Variants in LRRC4C observed in about 807,000 individuals in gnomAD.
LRRC4C encodes the protein leucine rich repeat containing 4C, also known as leucine-rich repeat-containing protein 4C.
In LRRC4C, 5 loss-of-function variants were observed where a neutral mutation model predicts 33.6. That is an observed-to-expected ratio of 0.15 (90% CI 0.08 to 0.31). The LOEUF is 0.31. LRRC4C is among the 10% of genes least tolerant of loss of function. The probability of loss-of-function intolerance (pLI) is 1.00; values close to 1 mark genes in which losing one functional copy is unlikely to be tolerated. For synonymous variants in LRRC4C, 329 were observed against 302.0 expected, an observed-to-expected ratio of 1.09 and a Z score of -0.93; for missense variants, 560 against 796.7, an observed-to-expected ratio of 0.70 and a Z score of 3.58.
intron 2 of LRRC4C, among the ~76,000 whole-genome samples, chr11:40,682,669 G>A (rs937216771): frequency 6.6e-6 from 1 of 151,798 alleles, no homozygotes; most frequent in Non-Finnish European, 1.5e-5. Flanking sequence ...CAGCTACTTG[G>A]GAGAGGCATG....
At chr11:40,386,641 C>A (rs1488805272) in intron 3 of LRRC4C, among the ~76,000 whole-genome samples, 1 of 152,100 alleles carries the variant, frequency 6.6e-6, no homozygotes, top group African/African-American at 2.4e-5. Context: ...CTGCCTCTAT[C>A]CCTCTTTGTT....
intron 1 of LRRC4C, among the ~76,000 whole-genome samples, chr11:41,436,497 T>C (rs1955433711): frequency 6.6e-6 from 1 of 152,206 alleles, no homozygotes; most frequent in South Asian, 2.1e-4. Context: ...TCAAAGAGGC[T>C]ACACAAATTC....
At chr11:40,552,294 T>C (rs1957154982) in intron 3 of LRRC4C, among the ~76,000 whole-genome samples, 2 of 152,136 alleles carry the variant, frequency 1.3e-5, no homozygotes, top group Admixed American at 1.3e-4. Flanking sequence ...GGAGATGAAA[T>C]AGAGAGGTTA....
chr11:41,175,747 C>T (rs1945169908), intron 1 of LRRC4C, among the ~76,000 whole-genome samples: 1 of 152,130 alleles, frequency 6.6e-6, no homozygotes, highest in South Asian at 2.1e-4. Flanking sequence ...CAACACAATT[C>T]TAAGGTCCCA....
At chr11:40,995,958 T>C (rs1460415946) in intron 1 of LRRC4C, among the ~76,000 whole-genome samples, 2 of 151,986 alleles carry the variant, frequency 1.3e-5, no homozygotes, top group African/African-American at 4.8e-5. Flanking sequence ...TACTCTAATA[T>C]GAGTATTAGA....
chr11:40,928,543 T>G (rs1317922390), intron 2 of LRRC4C, among the ~76,000 whole-genome samples: 1 of 152,122 alleles, frequency 6.6e-6, no homozygotes, highest in African/African-American at 2.4e-5. Flanking sequence ...TAAGTAATAA[T>G]AGCTAACATT....
chr11:40,275,132 A>G (rs1943006351), intron 4 of LRRC4C, among the ~76,000 whole-genome samples: 2 of 152,156 alleles, frequency 1.3e-5, no homozygotes, highest in South Asian at 2.1e-4. Flanking sequence ...TTTGATCCCA[A>G]TGAAATAACA....
chr11:41,455,251 A>G (rs1004221957), intron 1 of LRRC4C, among the ~76,000 whole-genome samples: 3 of 152,090 alleles, frequency 2.0e-5, no homozygotes, highest in African/African-American at 4.8e-5. Flanking sequence ...CAACAGCCTC[A>G]TTGTGGACTG....
intron 3 of LRRC4C, among the ~76,000 whole-genome samples, chr11:40,482,568 C>A (rs1953635897): frequency 6.6e-6 from 1 of 151,952 alleles, no homozygotes; most frequent in South Asian, 2.1e-4. Context: ...TCCCGGGGCT[C>A]AAGTGATTCT....
rs941168944 is a variant in LRRC4C, at chr11:40,236,058, G to A, written c.-96+5461C>T. On this transcript the variant is annotated intron_variant, in intron 5 of 6. Coordinates refer to ENST00000528697, the MANE Select transcript of LRRC4C (RefSeq NM_001258419.2). The stretch of plus-strand genomic sequence containing the variant: ...TGCGCAGCTTCATTCTGCCAGTCAC[G>A]GCTCACAGTGGGCATGGAAAATCCT... Among the ~76,000 whole-genome samples, 6 of 151,838 alleles carry A rather than the reference G, an allele frequency of 4.0e-5. No homozygotes were observed. The South Asian group carries it at 1.3e-3, about 32-fold the overall frequency.
chr11:40,345,622 T>G (rs545976152), intron 3 of LRRC4C, among the ~76,000 whole-genome samples: 2 of 152,292 alleles, frequency 1.3e-5, no homozygotes, highest in East Asian at 3.9e-4. Context: ...GAATTACCAT[T>G]CTGGATGTAG....
At chr11:40,635,934 C>T (rs111659842) in intron 3 of LRRC4C, among the ~76,000 whole-genome samples, 5,877 of 151,888 alleles carry the variant, frequency 0.039, 380 homozygotes, top group African/African-American at 0.13. Context: ...GCACTGCGCC[C>T]GGCCAGAAGA....
intron 6 of LRRC4C, among the ~76,000 whole-genome samples, chr11:40,127,598 G>T (rs11035702): frequency 2.0e-5 from 3 of 152,122 alleles, no homozygotes; most frequent in African/African-American, 7.2e-5. Context: ...GAAAGTTTCT[G>T]CTCTTGTCCC....
intron 1 of LRRC4C, among the ~76,000 whole-genome samples, chr11:41,017,096 C>G (rs539231848): frequency 6.6e-6 from 1 of 152,260 alleles, no homozygotes; most frequent in East Asian, 1.9e-4. Flanking sequence ...CTGTCCGATA[C>G]TAAGGACTTG....
At chr11:40,726,048 T>C (rs1485364021) in intron 2 of LRRC4C, among the ~76,000 whole-genome samples, 3 of 151,936 alleles carry the variant, frequency 2.0e-5, no homozygotes, top group East Asian at 3.9e-4. Context: ...ATAGAGGAAA[T>C]GGATAAATTC....
At chr11:40,567,770 C>T (rs1957825080) in intron 3 of LRRC4C, among the ~76,000 whole-genome samples, 1 of 152,140 alleles carries the variant, frequency 6.6e-6, no homozygotes, top group Non-Finnish European at 1.5e-5. Context: ...TCTAGCCTGA[C>T]CAGATTATTA....
intron 1 of LRRC4C, among the ~76,000 whole-genome samples, chr11:41,327,018 G>A (rs1951142031): frequency 6.6e-6 from 1 of 152,080 alleles, no homozygotes; most frequent in Non-Finnish European, 1.5e-5. Flanking sequence ...CTTTATTGAT[G>A]AGCCGAGTCC....
intron 2 of LRRC4C, among the ~76,000 whole-genome samples, chr11:40,736,458 G>C (rs543343464): frequency 1.9e-4 from 29 of 152,232 alleles, no homozygotes; most frequent in Non-Finnish European, 3.7e-4. Context: ...ATTGTGAACA[G>C]TGCTGCAATA....
At chr11:41,304,884 G>T (rs1361437420) in intron 1 of LRRC4C, among the ~76,000 whole-genome samples, 1 of 93,630 alleles carries the variant, frequency 1.1e-5, no homozygotes, top group Non-Finnish European at 2.3e-5. Flanking sequence ...TCAGCCCTCC[G>T]CCCGGCCAGC....
Sources: gnomAD v4.1 joint callset for allele counts (sites outside exome capture counted in the v4.1 genomes callset) on GRCh38, gnomAD v4.1.1 for gene constraint, MANE v1.5 for transcripts, NCBI Gene and HGNC (gene_info 2026-07-23, HGNC 2026-07-21) for gene names.